Variants in ZNF480 observed in about 807,000 individuals in gnomAD.
The protein encoded by ZNF480 is zinc finger protein 480.
ZNF480 carries 15 observed loss-of-function variants against 14.4 expected under a neutral mutation model. That is an observed-to-expected ratio of 1.04 (90% CI 0.70 to 1.60). The LOEUF (loss-of-function observed/expected upper bound fraction) is 1.60. Among genes scored for constraint, ZNF480 ranks in the 40% most tolerant of loss-of-function variants. The probability of loss-of-function intolerance (pLI) is 0.00; values close to 1 mark genes in which losing one functional copy is unlikely to be tolerated. For missense variants in ZNF480, 593 were observed against 629.7 expected, an observed-to-expected ratio of 0.94 and a Z score of 0.62; for synonymous variants, 218 against 215.5, an observed-to-expected ratio of 1.01 and a Z score of -0.10.
intron 2 of ZNF480, among the ~76,000 whole-genome samples, chr19:52,309,874 G>C (rs1983185261): frequency 6.6e-6 from 1 of 152,184 alleles, no homozygotes; most frequent in South Asian, 2.1e-4. Flanking sequence ...TACTCTTTTA[G>C]TAGAGTTGCA....
intron 2 of ZNF480, chr19:52,313,727 C>A (rs1408054747): frequency 8.6e-6 from 3 of 347,078 alleles, no homozygotes; most frequent in South Asian, 4.2e-5. Flanking sequence ...TGGTGGCTCA[C>A]ACCTGTAATC....
chr19:52,302,683 C>T (rs575557902), intron 2 of ZNF480, among the ~76,000 whole-genome samples: 2 of 152,318 alleles, frequency 1.3e-5, no homozygotes, highest in African/African-American at 4.8e-5. Flanking sequence ...ACATAAATGA[C>T]ATCCATTTGC....
chr19:52,305,464 C>T (rs28845817), intron 2 of ZNF480, among the ~76,000 whole-genome samples: 16,196 of 152,164 alleles, frequency 0.11, 1,679 homozygotes, highest in African/African-American at 0.27. Context: ...TCCTCTTGTT[C>T]GTAGCACAGG....
chr19:52,320,142 T>G (rs900036795), intron 4 of ZNF480, among the ~76,000 whole-genome samples: 1 of 152,150 alleles, frequency 6.6e-6, no homozygotes, highest in African/African-American at 2.4e-5. Context: ...ATAACTGACC[T>G]TTAAGTTTGC....
intron 2 of ZNF480, among the ~76,000 whole-genome samples, chr19:52,307,781 C>T (rs1983015023): frequency 1.3e-5 from 2 of 152,214 alleles, no homozygotes; most frequent in African/African-American, 2.4e-5. Context: ...GCAGCAAAAA[C>T]GTGTTGTTAA....
chr19:52,306,901 G>T (rs1022322035), intron 2 of ZNF480, among the ~76,000 whole-genome samples: 1 of 152,186 alleles, frequency 6.6e-6, no homozygotes, highest in African/African-American at 2.4e-5. Flanking sequence ...GGAAAAGAAA[G>T]ACCTGGAGGG....
intron 4 of ZNF480, among the ~76,000 whole-genome samples, chr19:52,320,975 T>TTAAA (rs984211563): frequency 3.0e-4 from 46 of 152,252 alleles, no homozygotes; most frequent in East Asian, 5.8e-4. Context: ...AGACCCTGTC[T>TTAAA]TAAATAAATA....
intron 1 of ZNF480, among the ~76,000 whole-genome samples, chr19:52,299,631 A>G (rs1982588915): frequency 1.3e-5 from 2 of 152,182 alleles, no homozygotes; most frequent in South Asian, 2.1e-4. Context: ...GACTAGCCCG[A>G]TGGAAGAACC....
intron 4 of ZNF480, among the ~76,000 whole-genome samples, chr19:52,319,913 G>A (rs1359035571): frequency 1.3e-5 from 2 of 150,530 alleles, no homozygotes; most frequent in East Asian, 3.9e-4. Context: ...TGCCTCCCAG[G>A]TTCAAGCGAT....
chr19:52,299,770 T>C (rs1982595856), intron 1 of ZNF480, among the ~76,000 whole-genome samples: 1 of 152,190 alleles, frequency 6.6e-6, no homozygotes, highest in African/African-American at 2.4e-5. Flanking sequence ...CTCAGCTCAC[T>C]GCAACATCCA....
chr19:52,299,939 T>C (rs1183215972), intron 1 of ZNF480, among the ~76,000 whole-genome samples: 1 of 152,222 alleles, frequency 6.6e-6, no homozygotes, highest in African/African-American at 2.4e-5. Flanking sequence ...TGTTTGAAGT[T>C]CCAGGCATCC....
intron 1 of ZNF480, 72 bp from the exon 2 acceptor site, chr19:52,300,320 CTG>C (rs888679037): frequency 4.6e-6 from 7 of 1,513,180 alleles, no homozygotes; most frequent in Middle Eastern, 1.7e-4. Flanking sequence ...GAGGTCTAAC[CTG>C]TGTGTGTGAT....
Position 52,322,496 on chromosome 19 carries a change from C to T in ZNF480, c.1246C>T (p.Arg416Ter), listed in dbSNP as rs145965329. 1.1e-4 allele frequency: 174 copies of T among 1,613,620 alleles called. No homozygotes were observed. The highest frequency in any genetic ancestry group is 2.5e-4 in the African/African-American group (19 of 74,890). ...KVFNQLSNLA[R>*]HRRIHTGEKP... ...ATTTAATCAACTTTCAAATCTTGCA[C>T]GACATCGAAGAATTCATACTGGAGA... is the stretch of plus-strand genomic sequence containing the variant. Residue 416 changes from arginine to a stop codon, truncating the protein, a stop_gained, in exon 5 of 5, where the codon CGA becomes TGA. Coordinates refer to ENST00000595962, the MANE Select transcript of ZNF480 (RefSeq NM_144684.4). LOFTEE classifies it low-confidence loss of function (END_TRUNC).
intron 2 of ZNF480, among the ~76,000 whole-genome samples, chr19:52,305,134 G>A (rs894497795): frequency 7.9e-5 from 12 of 152,084 alleles, no homozygotes; most frequent in Admixed American, 2.6e-4. Context: ...AGTTACAATT[G>A]GTTGAATAGT....
In ZNF480 at chr19:52,323,735, T is replaced by C. The variant is rs1983959263; in HGVS notation, c.*877T>C. 6.6e-6 allele frequency: 1 copy of C among 151,894 alleles called. No homozygotes were observed. Among genetic ancestry groups the C allele is most frequent in the Admixed American group, 6.6e-5 (1 of 15,244 alleles). The allele number at this position is 151,894 out of a possible 1,614,324, so 9.4% of individuals were successfully genotyped here. ...GATCATCTCTTTAGATGCAGAAAGG[T>C]TTTTAATAAAATTCAACATCCCTTC... On this transcript the variant is annotated 3_prime_UTR_variant, in exon 5 of 5. Transcript: ENST00000595962.
chr19:52,312,348 G>T (rs1055141190), intron 2 of ZNF480, among the ~76,000 whole-genome samples: 7 of 151,884 alleles, frequency 4.6e-5, no homozygotes, highest in African/African-American at 1.7e-4. Context: ...TTTTAGTAGA[G>T]ACTGGGCTTC....
chr19:52,313,601 T>C (rs928303014), intron 2 of ZNF480, among the ~76,000 whole-genome samples: 5 of 152,212 alleles, frequency 3.3e-5, no homozygotes, highest in Non-Finnish European at 7.3e-5. Flanking sequence ...GAGATAACCA[T>C]GGGTTAATTT....
rs1984002890 is a variant in ZNF480 at position 52,324,546 on chromosome 19, A to AACTAAACC, written c.*1689_*1690insCTAAACCA. 1 of 152,170 alleles carries AACTAAACC rather than the reference A, an allele frequency of 6.6e-6. No homozygotes were observed. Among genetic ancestry groups the AACTAAACC allele is most frequent in the African/African-American group, 2.4e-5 (1 of 41,434 alleles). 9.4% of individuals were successfully genotyped at this position (152,170 alleles called of 1,614,324 possible). The stretch of plus-strand genomic sequence containing the variant: ...ACTACCCAACTTTAAACCATACTAC[A>AACTAAACC]AGGCTACAGCAACTAAAACAGCATG... On this transcript the variant is annotated 3_prime_UTR_variant, in exon 5 of 5. Coordinates refer to ENST00000595962, the MANE Select transcript of ZNF480 (RefSeq NM_144684.4).
At chr19:52,300,898 C>T (rs560020286) in intron 2 of ZNF480, 8 of 212,234 alleles carry the variant, frequency 3.8e-5, no homozygotes, top group Admixed American at 1.5e-4. Context: ...GCAGCAAAAA[C>T]GTGTTAAGGC....
Sources: gnomAD v4.1 joint callset for allele counts (sites outside exome capture counted in the v4.1 genomes callset) on GRCh38, gnomAD v4.1.1 for gene constraint, MANE v1.5 for transcripts, NCBI Gene and HGNC (gene_info 2026-07-23, HGNC 2026-07-21) for gene names.